Variants in PHF24 observed in about 807,000 individuals in gnomAD.
The protein encoded by PHF24 is PHD finger protein 24, also known as Galpha inhibitory interacting protein.
In PHF24, 25 loss-of-function variants were observed where a neutral mutation model predicts 42.6. That is an observed-to-expected ratio of 0.59 (90% confidence interval 0.43 to 0.82). The LOEUF (loss-of-function observed/expected upper bound fraction) is 0.82. PHF24 is among the 40% of genes least tolerant of loss of function. The pLI is 0.00. For missense variants in PHF24, 470 were observed against 538.1 expected, an observed-to-expected ratio of 0.87 and a Z score of 1.25; for synonymous variants, 185 against 204.8, an observed-to-expected ratio of 0.90 and a Z score of 0.83.
At chr9:34,708,076 T>C in the PHF24 span, among the ~76,000 whole-genome samples, 1 of 152,156 alleles carries the variant, frequency 6.6e-6, no homozygotes, top group Non-Finnish European at 1.5e-5. Context: ...TGTTCCCTTC[T>C]TTCTCACATT....
chr9:34,695,666 G>A, the PHF24 span, among the ~76,000 whole-genome samples: 4 of 152,100 alleles, frequency 2.6e-5, no homozygotes, highest in Non-Finnish European at 5.9e-5. Flanking sequence ...AACTGAATTA[G>A]GGGACACCCA....
At chr9:34,723,408 G>C in the PHF24 span, 2 of 1,551,754 alleles carry the variant, frequency 1.3e-6, no homozygotes, top group East Asian at 4.9e-5. Flanking sequence ...TGAGCAGGAC[G>C]AGATTGGGCC....
Position 34,964,813 on chromosome 9 carries a change from C to T in PHF24, c.-5+6412C>T, listed in dbSNP as rs559889080. Among the ~76,000 whole-genome samples, 27 of 152,126 alleles carry T rather than the reference C, an allele frequency of 1.8e-4. No homozygotes were observed. In the South Asian group the frequency reaches 3.1e-3, roughly 18 times the overall value. On this transcript the variant is annotated intron_variant, in intron 1 of 7. Coordinates refer to ENST00000242315, the Ensembl canonical transcript of PHF24. ...TTCATGAAGTCAGACGGCCCTATTC[C>T]ACCTTCTTGTCCCGCTGTTATATAC...
chr9:34,739,231 T>A, the PHF24 span, among the ~76,000 whole-genome samples: 1 of 152,170 alleles, frequency 6.6e-6, no homozygotes, highest in Admixed American at 6.5e-5. Context: ...TCATTTCACG[T>A]TGACAAAAAT....
chr9:34,856,138 T>C, the PHF24 span, among the ~76,000 whole-genome samples: 9 of 152,208 alleles, frequency 5.9e-5, no homozygotes, highest in Non-Finnish European at 1.2e-4. Flanking sequence ...GCTATGTTTC[T>C]CTCTAAGCTG....
chr9:34,784,991 G>C, the PHF24 span, among the ~76,000 whole-genome samples: 2 of 152,164 alleles, frequency 1.3e-5, no homozygotes, highest in Non-Finnish European at 2.9e-5. Context: ...TGAATACACA[G>C]CAGCACACAA....
the PHF24 span, among the ~76,000 whole-genome samples, chr9:34,839,303 T>G: frequency 6.6e-6 from 1 of 152,330 alleles, no homozygotes; most frequent in East Asian, 1.9e-4. Context: ...GGTCGCAAAC[T>G]GGTTGCTGCT....
the PHF24 span, among the ~76,000 whole-genome samples, chr9:34,860,011 C>T: frequency 3.3e-5 from 5 of 152,208 alleles, no homozygotes; most frequent in Non-Finnish European, 7.3e-5. Context: ...GTGCCCATCT[C>T]TCTCTTCTCA....
At chr9:34,927,191 G>T in the PHF24 span, among the ~76,000 whole-genome samples, 2 of 152,194 alleles carry the variant, frequency 1.3e-5, no homozygotes, top group African/African-American at 2.4e-5. Flanking sequence ...GGCTGGAAGT[G>T]CAGTAAGCAG....
chr9:34,922,685 GCCATCTGCTGTT>G, the PHF24 span: 26 of 1,336,322 alleles, frequency 1.9e-5, no homozygotes, highest in African/African-American at 3.8e-4. Context: ...GTATTCTTGA[GCCATCTGCTGTT>G]TTTTTCTCAG....
the PHF24 span, among the ~76,000 whole-genome samples, chr9:34,675,549 G>T: frequency 6.6e-6 from 1 of 152,208 alleles, no homozygotes; most frequent in Non-Finnish European, 1.5e-5. Flanking sequence ...CCAGAGTGTG[G>T]GTGGAACATT....
chr9:34,944,374 C>A, the PHF24 span, among the ~76,000 whole-genome samples: 15 of 152,228 alleles, frequency 9.9e-5, no homozygotes, highest in African/African-American at 3.6e-4. Flanking sequence ...CAGTGTATAA[C>A]ATTTTGTCTC....
the PHF24 span, among the ~76,000 whole-genome samples, chr9:34,739,634 C>T: frequency 1.9e-3 from 287 of 152,142 alleles, 1 homozygote; most frequent in African/African-American, 6.6e-3. Context: ...TTCGTGGTCT[C>T]ACTGGCTCAG....
the PHF24 span, chr9:34,922,569 T>C: frequency 2.0e-5 from 19 of 968,406 alleles, no homozygotes; most frequent in Non-Finnish European, 3.0e-5. Flanking sequence ...CATTTTCAAA[T>C]AGAAGAATTT....
chr9:34,750,467 G>A, the PHF24 span, among the ~76,000 whole-genome samples: 1 of 150,718 alleles, frequency 6.6e-6, no homozygotes, highest in Non-Finnish European at 1.5e-5. Flanking sequence ...TCCAGTCTGG[G>A]TGACAGAGCG....
the PHF24 span, among the ~76,000 whole-genome samples, chr9:34,898,765 C>T: frequency 6.6e-6 from 1 of 152,196 alleles, no homozygotes; most frequent in Admixed American, 6.5e-5. Flanking sequence ...ACCCATTAGC[C>T]TGACGTCTTG....
the PHF24 span, among the ~76,000 whole-genome samples, chr9:34,704,367 A>G: frequency 7.2e-5 from 11 of 152,176 alleles, no homozygotes; most frequent in African/African-American, 2.4e-4. Flanking sequence ...TATCCTCTAT[A>G]TCTGTATCAA....
chr9:34,812,364 G>A, the PHF24 span, among the ~76,000 whole-genome samples: 13 of 152,220 alleles, frequency 8.5e-5, no homozygotes, highest in African/African-American at 3.1e-4. Flanking sequence ...TGGTGCAGCT[G>A]CTGTGGAAAA....
the PHF24 span, among the ~76,000 whole-genome samples, chr9:34,815,856 T>C: frequency 6.6e-6 from 1 of 152,286 alleles, no homozygotes; most frequent in Non-Finnish European, 1.5e-5. Flanking sequence ...CTCTTTCTGA[T>C]GAATATAGCA....
Sources: gnomAD v4.1 joint callset for allele counts (sites outside exome capture counted in the v4.1 genomes callset) on GRCh38, gnomAD v4.1.1 for gene constraint, MANE v1.5 for transcripts, NCBI Gene and HGNC (gene_info 2026-07-23, HGNC 2026-07-21) for gene names.